The following SLC13A1 variants were observed in gnomAD, a reference collection of about 807,000 sequenced individuals.
The protein encoded by SLC13A1 is Na(+)/sulfate cotransporter.
Under a neutral mutation model 70.0 loss-of-function variants are expected in SLC13A1, and 65 were observed. The observed-to-expected ratio is 0.93, with a 90% CI of 0.76 to 1.14. The LOEUF is 1.14. SLC13A1 is among the 50% of genes most tolerant of loss of function. The pLI is 0.00. For synonymous variants in SLC13A1, 275 were observed against 250.5 expected (o/e 1.10, Z -0.92); for missense variants, 726 against 717.8 (o/e 1.01, Z -0.13).
intron 7 of SLC13A1, among the ~76,000 whole-genome samples, chr7:123,142,086 T>C (rs561252300): frequency 1.1e-4 from 16 of 152,174 alleles, no homozygotes; most frequent in Admixed American, 2.6e-4. Flanking sequence ...TCTTGCTTTT[T>C]ATTTTTCATG....
At chr7:123,169,778 C>T (rs981611748) in intron 3 of SLC13A1, among the ~76,000 whole-genome samples, 1 of 152,082 alleles carries the variant, frequency 6.6e-6, no homozygotes, top group Admixed American at 6.5e-5. Context: ...AGCCATAACT[C>T]TGTTCATAGG....
At chr7:123,156,519 A>G (rs1460602038) in intron 6 of SLC13A1, among the ~76,000 whole-genome samples, 2 of 152,140 alleles carry the variant, frequency 1.3e-5, no homozygotes, top group East Asian at 3.9e-4. Flanking sequence ...GCACAGAGGA[A>G]TTGAGACAGT....
At chr7:123,163,996 G>A (rs552445847) in intron 6 of SLC13A1, among the ~76,000 whole-genome samples, 1 of 152,078 alleles carries the variant, frequency 6.6e-6, no homozygotes, top group East Asian at 1.9e-4. Context: ...TCTGCCCCAT[G>A]AACCTTGCAT....
intron 2 of SLC13A1, among the ~76,000 whole-genome samples, chr7:123,176,105 C>T (rs1795438193): frequency 6.6e-6 from 1 of 152,258 alleles, no homozygotes; most frequent in Non-Finnish European, 1.5e-5. Flanking sequence ...ATTTGGCCTT[C>T]AGGCCCACAG....
chr7:123,189,517 G>A (rs967868587), intron 1 of SLC13A1, among the ~76,000 whole-genome samples: 2 of 152,044 alleles, frequency 1.3e-5, no homozygotes, highest in Non-Finnish European at 2.9e-5. Flanking sequence ...TGCCTTAATA[G>A]TGTTAGATTT....
At chr7:123,164,454 G>A (rs917036583) in intron 6 of SLC13A1, among the ~76,000 whole-genome samples, 3 of 151,426 alleles carry the variant, frequency 2.0e-5, no homozygotes, top group Non-Finnish European at 4.4e-5. Context: ...AAAATCTTTA[G>A]TTTTGTACTA....
At position 123,117,514 on chromosome 7, in the gene SLC13A1, T is replaced by C. The variant is rs1360035656; in HGVS notation, c.1607A>G (p.Asn536Ser). 2 of 1,613,400 alleles carry C rather than the reference T, an allele frequency of 1.2e-6. No individual in the cohort carries two copies. The highest frequency in any genetic ancestry group is 1.1e-5 in the South Asian group (1 of 91,046). The change falls in exon 14 of 15, where the codon AAT (asparagine) becomes AGT (serine). Residue 536 changes from asparagine to serine, a missense_variant. By Grantham distance (46) the Asn-to-Ser change is conservative (BLOSUM62 1). Coordinates refer to ENST00000194130, the MANE Select transcript of SLC13A1 (RefSeq NM_022444.4). ...ATGACCATATGAAAAGACAATAGCA[T>C]TGGGTGGATTTGCTACTGGTAGGAG... is the stretch of plus-strand genomic sequence containing the variant. ...AFLLPVANPP[N>S]AIVFSYGHLK...
intron 1 of SLC13A1, 136 bp from the exon 2 acceptor site, chr7:123,181,237 T>C: frequency 2.4e-6 from 2 of 829,972 alleles, no homozygotes; most frequent in Non-Finnish European, 3.5e-6. Context: ...CATCTTTGAG[T>C]TGCCCTCAAA....
At chr7:123,119,797 GTTTC>G (rs1793313085) in intron 12 of SLC13A1, among the ~76,000 whole-genome samples, 3 of 151,592 alleles carry the variant, frequency 2.0e-5, no homozygotes, top group Non-Finnish European at 4.4e-5. Context: ...TATATTTTTT[GTTTC>G]TTCATTCCCC....
intron 7 of SLC13A1, among the ~76,000 whole-genome samples, chr7:123,144,737 T>C (rs1182505047): frequency 6.6e-6 from 1 of 152,184 alleles, no homozygotes; most frequent in Non-Finnish European, 1.5e-5. Flanking sequence ...AAAGCACATT[T>C]ACACGTCAAG....
chr7:123,188,754 G>A (rs1795898998), intron 1 of SLC13A1, among the ~76,000 whole-genome samples: 1 of 152,032 alleles, frequency 6.6e-6, no homozygotes. Context: ...ATTGACAGGA[G>A]GATTTTAATT....
At chr7:123,174,896 T>C (rs1194592916) in intron 2 of SLC13A1, among the ~76,000 whole-genome samples, 1 of 151,970 alleles carries the variant, frequency 6.6e-6, no homozygotes, top group Non-Finnish European at 1.5e-5. Context: ...TTGTCTTGGA[T>C]ACTTCTAGTC....
chr7:123,190,985 C>T (rs1391143261), intron 1 of SLC13A1, among the ~76,000 whole-genome samples: 1 of 151,566 alleles, frequency 6.6e-6, no homozygotes, highest in African/African-American at 2.4e-5. Context: ...TTCATTTCTT[C>T]TGAGCGGATT....
chr7:123,186,840 A>G (rs1254428427), intron 1 of SLC13A1: 3 of 437,396 alleles, frequency 6.9e-6, no homozygotes, highest in Non-Finnish European at 1.4e-5. Flanking sequence ...AGCAACAAAA[A>G]TAATGTGTAC....
intron 3 of SLC13A1, among the ~76,000 whole-genome samples, chr7:123,170,956 A>AT (rs11439544): frequency 0.33 from 49,606 of 150,298 alleles, 8,597 homozygotes; most frequent in South Asian, 0.4. Flanking sequence ...CGTCTGAGTC[A>AT]TTTTTTTTTT....
intron 6 of SLC13A1, among the ~76,000 whole-genome samples, chr7:123,158,965 G>T (rs12671045): frequency 0.22 from 33,572 of 151,804 alleles, 4,628 homozygotes; most frequent in East Asian, 0.35. Flanking sequence ...CCCAGATAGG[G>T]GGTCTGAGAA....
At chr7:123,179,524 T>G (rs896755779) in intron 2 of SLC13A1, among the ~76,000 whole-genome samples, 8 of 152,120 alleles carry the variant, frequency 5.3e-5, no homozygotes, top group African/African-American at 1.2e-4. Flanking sequence ...GCAGTCACAG[T>G]GATGCAAAAC....
rs868824358 is a variant in SLC13A1 at position 123,173,974 on chromosome 7, T to A, written c.229-2070A>T. ...TGCTTCCAGAGTCGGGAAGCTGTTT[T>A]TTTTTTTTTTTTCTCCCTGGTTCTA... is the stretch of plus-strand genomic sequence containing the variant. On this transcript the variant is annotated intron_variant, in intron 2 of 14. Transcript: ENST00000194130. Among the ~76,000 whole-genome samples, 544 of 150,234 alleles carry A rather than the reference T, an allele frequency of 3.6e-3. 5 individuals carry two copies. The highest frequency in any genetic ancestry group is 0.012 in the African/African-American group (497 of 40,078).
intron 1 of SLC13A1, chr7:123,190,475 ATAAG>A: frequency 4.5e-6 from 2 of 444,238 alleles, no homozygotes; most frequent in South Asian, 3.2e-5. Context: ...GAGTACAAGC[ATAAG>A]TAAGGGGGAA....
Sources: allele counts gnomAD v4.1 joint callset (sites outside exome capture counted in the v4.1 genomes callset), GRCh38; gene constraint gnomAD v4.1.1; transcripts MANE v1.5; gene names NCBI Gene and HGNC (gene_info 2026-07-23, HGNC 2026-07-21).